The following DAB1 variants were observed in gnomAD, a reference collection of about 807,000 sequenced individuals.
DAB1 encodes DAB adaptor protein 1, also known as disabled homolog 1.
DAB1 carries 15 observed loss-of-function variants against 64.6 expected under a neutral mutation model. The ratio of observed to expected loss-of-function variants is 0.23; its 90% CI spans 0.16 to 0.36. The LOEUF is 0.36. Ranked by LOEUF, DAB1 falls within the 10% of genes least tolerant of loss-of-function variation. DAB1 has a pLI of 1.00. For synonymous variants in DAB1, 235 were observed against 251.9 expected (o/e 0.93, Z 0.64); for missense variants, 596 against 706.7 (o/e 0.84, Z 1.78).
At chr1:57,418,100 A>G (rs1250251252) in intron 1 of DAB1, among the ~76,000 whole-genome samples, 5 of 152,186 alleles carry the variant, frequency 3.3e-5, no homozygotes, top group Non-Finnish European at 7.3e-5. Context: ...GTGCAATTGC[A>G]TCTTGGTACT....
intron 6 of DAB1, among the ~76,000 whole-genome samples, chr1:57,757,240 A>G (rs950657878): frequency 6.0e-5 from 7 of 116,976 alleles, no homozygotes. Flanking sequence ...GATGGAGGCT[A>G]ACAGCCCAGG....
intron 7 of DAB1, among the ~76,000 whole-genome samples, chr1:57,518,583 C>T (rs1334388744): frequency 2.0e-5 from 3 of 152,172 alleles, no homozygotes; most frequent in Non-Finnish European, 4.4e-5. Context: ...TGACTTCTGG[C>T]AGCTTTTAAG....
At chr1:57,730,019 A>G (rs2101771970) in intron 6 of DAB1, among the ~76,000 whole-genome samples, 1 of 152,382 alleles carries the variant, frequency 6.6e-6, no homozygotes, top group South Asian at 2.1e-4. Context: ...ATCTGTGCCC[A>G]GGTCTGATAG....
In DAB1 at chr1:57,701,582, T is replaced by C. The variant is rs561614232; in HGVS notation, n.552-51917A>G. ...GAGGGAGGGATAGCATTAGGAGATATACCTAATGCTAAATGACGAGTTAAT... is the reference window on the plus strand; with the variant it reads ...GAGGGAGGGATAGCATTAGGAGATACACCTAATGCTAAATGACGAGTTAAT... On this transcript the variant is annotated intron_variant and non_coding_transcript_variant, in intron 6 of 20. Transcript: ENST00000485760. Among the ~76,000 whole-genome samples the C allele has an allele frequency of 2.2e-3, 327 of 152,056 alleles. 1 individual carries two copies. The highest frequency in any genetic ancestry group is 7.0e-3 in the African/African-American group (292 of 41,470).
intron 4 of DAB1, among the ~76,000 whole-genome samples, chr1:57,103,811 G>C (rs763291314): frequency 1.3e-5 from 2 of 152,232 alleles, no homozygotes; most frequent in Non-Finnish European, 2.9e-5. Flanking sequence ...GGTTGAAATG[G>C]GGACAGAAGG....
rs150823506 is a variant in DAB1, at chr1:57,732,993, G to T, written n.552-83328C>A. ...TGGTGCCCTGCAAATTATGTAGACA[G>T]TTCTGTAGAGAGTACAATATGACTA... On this transcript the variant is annotated intron_variant and non_coding_transcript_variant, in intron 6 of 20. Transcript: ENST00000485760. Among the ~76,000 whole-genome samples, 583 of 152,286 alleles carry T rather than the reference G, an allele frequency of 3.8e-3. 5 individuals carry two copies. The highest frequency in any genetic ancestry group is 0.013 in the African/African-American group (545 of 41,554).
At chr1:57,255,444 T>C (rs1324850962) in intron 2 of DAB1, among the ~76,000 whole-genome samples, 1 of 152,136 alleles carries the variant, frequency 6.6e-6, no homozygotes, top group East Asian at 1.9e-4. Context: ...GGCAGACTGC[T>C]TGAGCCCAGG....
chr1:57,803,909 C>T (rs1175338848), intron 6 of DAB1, among the ~76,000 whole-genome samples: 1 of 152,160 alleles, frequency 6.6e-6, no homozygotes, highest in Non-Finnish European at 1.5e-5. Context: ...TGATGGTTAC[C>T]TCTTTTTTAC....
intron 1 of DAB1, among the ~76,000 whole-genome samples, chr1:57,383,010 C>T (rs1026989398): frequency 1.3e-5 from 2 of 151,464 alleles, no homozygotes; most frequent in African/African-American, 4.9e-5. Context: ...AGCAAGTATA[C>T]AGAAAGTTAG....
intron 6 of DAB1, among the ~76,000 whole-genome samples, chr1:57,730,554 C>T (rs1041497502): frequency 2.6e-5 from 4 of 152,078 alleles, no homozygotes; most frequent in African/African-American, 7.2e-5. Flanking sequence ...TGGAAGGATA[C>T]GTAGTCATTA....
intron 2 of DAB1, among the ~76,000 whole-genome samples, chr1:57,171,155 T>G (rs1227185402): frequency 6.6e-6 from 1 of 152,160 alleles, no homozygotes; most frequent in Non-Finnish European, 1.5e-5. Context: ...CTGGTGCTAT[T>G]GTCTAGCCAG....
chr1:57,525,638 G>T (rs1644581870), intron 7 of DAB1, among the ~76,000 whole-genome samples: 1 of 151,984 alleles, frequency 6.6e-6, no homozygotes, highest in Non-Finnish European at 1.5e-5. Context: ...AGTGATAGAA[G>T]AAATTTACAT....
intron 6 of DAB1, among the ~76,000 whole-genome samples, chr1:57,758,628 C>A (rs143567285): frequency 6.6e-6 from 1 of 152,084 alleles, no homozygotes; most frequent in South Asian, 2.1e-4. Context: ...TCATGTTCAC[C>A]GGCTTCTATC....
intron 3 of DAB1, among the ~76,000 whole-genome samples, chr1:58,463,267 A>C (rs746395988): frequency 2.0e-5 from 3 of 151,966 alleles, no homozygotes; most frequent in Non-Finnish European, 2.9e-5. Flanking sequence ...TGGTGAGAGG[A>C]GTAGCTGAGT....
chr1:58,067,105 A>T (rs1299116499), intron 5 of DAB1, among the ~76,000 whole-genome samples: 1 of 152,200 alleles, frequency 6.6e-6, no homozygotes, highest in Admixed American at 6.5e-5. Flanking sequence ...CCCTCTTGTT[A>T]TTCTCTCCTA....
chr1:58,144,432 C>T (rs1432760970), intron 5 of DAB1, among the ~76,000 whole-genome samples: 3 of 152,210 alleles, frequency 2.0e-5, no homozygotes, highest in Non-Finnish European at 4.4e-5. Context: ...ATGCTTTTTA[C>T]ATCTATCAAG....
intron 6 of DAB1, among the ~76,000 whole-genome samples, chr1:57,662,165 T>C (rs544223000): frequency 1.3e-5 from 2 of 152,128 alleles, no homozygotes; most frequent in East Asian, 3.9e-4. Context: ...AAGCTCTGTC[T>C]AGAGAATGTT....
At chr1:58,494,773 G>T (rs1645766062) in intron 3 of DAB1, among the ~76,000 whole-genome samples, 2 of 152,244 alleles carry the variant, frequency 1.3e-5, no homozygotes, top group South Asian at 2.1e-4. Context: ...GAAACTACAG[G>T]TGCTGGAGAG....
chr1:56,999,091 G>A (rs1645745549), intron 14 of DAB1, among the ~76,000 whole-genome samples: 2 of 151,782 alleles, frequency 1.3e-5, no homozygotes, highest in South Asian at 4.2e-4. Context: ...ATATTAGCTT[G>A]TCCCCTGCCT....
Sources: gnomAD v4.1 joint callset for allele counts (sites outside exome capture counted in the v4.1 genomes callset) on GRCh38, gnomAD v4.1.1 for gene constraint, MANE v1.5 for transcripts, NCBI Gene and HGNC (gene_info 2026-07-23, HGNC 2026-07-21) for gene names.